Variants in MYO1D observed in about 807,000 individuals in gnomAD.
MYO1D encodes the protein myosin ID.
In MYO1D, 83 loss-of-function variants were observed where a neutral mutation model predicts 122.0. That is an observed-to-expected ratio of 0.68 (90% CI 0.57 to 0.82). The LOEUF (loss-of-function observed/expected upper bound fraction) is 0.82. MYO1D is among the 40% of genes least tolerant of loss of function. The pLI is 0.00. For missense variants in MYO1D, 1,157 were observed against 1,269.5 expected (o/e 0.91, Z 1.35); for synonymous variants, 464 against 446.9 (o/e 1.04, Z -0.48).
intron 16 of MYO1D, among the ~76,000 whole-genome samples, chr17:32,678,551 T>A (rs955916722): frequency 1.3e-5 from 2 of 151,340 alleles, no homozygotes; most frequent in Admixed American, 6.6e-5. Flanking sequence ...GAATGATGAT[T>A]TCCAATTTCA....
intron 21 of MYO1D, among the ~76,000 whole-genome samples, chr17:32,588,280 T>C (rs1262363173): frequency 2.0e-5 from 3 of 152,224 alleles, no homozygotes; most frequent in Admixed American, 1.3e-4. Context: ...CAAGCCCTAG[T>C]ATCTGGCACT....
chr17:32,772,261 AAAAT>A (rs1263964866), intron 5 of MYO1D, among the ~76,000 whole-genome samples: 9 of 152,240 alleles, frequency 5.9e-5, no homozygotes, highest in Admixed American at 1.3e-4. Context: ...AGCACTCTTG[AAAAT>A]AAATACTCAA....
At position 32,841,058 on chromosome 17, in the gene MYO1D, G is replaced by A. The variant is rs564228026; in HGVS notation, c.95+35720C>T. On this transcript the variant is annotated intron_variant, in intron 1 of 21. Coordinates refer to ENST00000318217, the MANE Select transcript of MYO1D (RefSeq NM_015194.3). The stretch of plus-strand genomic sequence containing the variant: ...TGACCAACTGTAGGCTAATGCAAAT[G>A]TTCTAAACATGTTCAAGGTAGGCTA... Among the ~76,000 whole-genome samples the A allele has an allele frequency of 2.0e-5, 3 of 152,306 alleles. No individual in the cohort carries two copies. The South Asian group carries it at 6.2e-4, about 32-fold the overall frequency.
chr17:32,735,613 T>C (rs2089692800), intron 14 of MYO1D, among the ~76,000 whole-genome samples: 1 of 152,214 alleles, frequency 6.6e-6, no homozygotes, highest in African/African-American at 2.4e-5. Flanking sequence ...CTGCTTCATC[T>C]ATCATTTATC....
intron 20 of MYO1D, among the ~76,000 whole-genome samples, chr17:32,623,936 C>A (rs2087887323): frequency 6.6e-6 from 1 of 152,162 alleles, no homozygotes. Context: ...CGAGTTCCAT[C>A]ACTTTGGGGG....
intron 21 of MYO1D, among the ~76,000 whole-genome samples, chr17:32,580,411 T>TC (rs200462894): frequency 0.19 from 12,236 of 63,894 alleles, 1,635 homozygotes; most frequent in African/African-American, 0.39. Flanking sequence ...CTGGTGAATT[T>TC]TTTTTTTTTT....
At chr17:32,760,696 A>G in intron 8 of MYO1D, 69 bp from the exon 9 acceptor site, 1 of 1,487,842 alleles carries the variant, frequency 6.7e-7, no homozygotes, top group Non-Finnish European at 9.1e-7. Context: ...ATTTGTGATC[A>G]GTTTTAAATT....
At chr17:32,681,702 T>C (rs1368025806) in intron 16 of MYO1D, among the ~76,000 whole-genome samples, 1 of 149,388 alleles carries the variant, frequency 6.7e-6, no homozygotes, top group Non-Finnish European at 1.5e-5. Context: ...AGGTGTGGTG[T>C]GGTGCTGAAA....
chr17:32,569,520 C>T (rs1266453947), intron 21 of MYO1D, among the ~76,000 whole-genome samples: 1 of 152,214 alleles, frequency 6.6e-6, no homozygotes, highest in Non-Finnish European at 1.5e-5. Flanking sequence ...CAATGGTGAA[C>T]ACCCAGGGGA....
chr17:32,799,214 G>C (rs2090441274), intron 1 of MYO1D, among the ~76,000 whole-genome samples: 2 of 152,134 alleles, frequency 1.3e-5, no homozygotes, highest in African/African-American at 4.8e-5. Context: ...AAATACATCA[G>C]GAAATGGAAA....
chr17:32,758,774 C>G (rs1396483994), intron 10 of MYO1D, among the ~76,000 whole-genome samples: 1 of 152,152 alleles, frequency 6.6e-6, no homozygotes, highest in Non-Finnish European at 1.5e-5. Flanking sequence ...AATAGAGATT[C>G]TAATTGTGGG....
At chr17:32,783,571 A>G (rs185444064) in intron 1 of MYO1D, among the ~76,000 whole-genome samples, 14 of 152,360 alleles carry the variant, frequency 9.2e-5, no homozygotes, top group Admixed American at 4.6e-4. Context: ...ATAGTGGCAA[A>G]TATTAACAGA....
At chr17:32,665,064 C>T (rs1393118243) in intron 16 of MYO1D, among the ~76,000 whole-genome samples, 1 of 152,192 alleles carries the variant, frequency 6.6e-6, no homozygotes, top group Non-Finnish European at 1.5e-5. Context: ...GTGCTAGTTG[C>T]TCCCTCTGCC....
chr17:32,599,526 G>A (rs1382953953), intron 21 of MYO1D, among the ~76,000 whole-genome samples: 3 of 152,126 alleles, frequency 2.0e-5, no homozygotes, highest in Non-Finnish European at 4.4e-5. Context: ...CTCCTCCCAT[G>A]AATCACAAAT....
At chr17:32,583,159 A>T (rs891726872) in intron 21 of MYO1D, among the ~76,000 whole-genome samples, 7 of 152,154 alleles carry the variant, frequency 4.6e-5, no homozygotes, top group African/African-American at 1.7e-4. Context: ...TTGGTATGAA[A>T]TTGTAGGTAG....
chr17:32,777,760 C>T lies in MYO1D; in HGVS notation c.398+720G>A, dbSNP rs190881902. Among the ~76,000 whole-genome samples, 250 of 151,682 alleles carry T rather than the reference C, an allele frequency of 1.6e-3. 1 individual carries two copies. The highest frequency in any genetic ancestry group is 5.8e-3 in the African/African-American group (239 of 41,322). On this transcript the variant is annotated intron_variant, in intron 3 of 21. Transcript: ENST00000318217. ...GGAGATCGAGACCACAGTGAAACCC[C>T]GTCTCTACTAAAAACACAAAAAAAT...
At chr17:32,622,658 G>C (rs1028113363) in intron 20 of MYO1D, among the ~76,000 whole-genome samples, 1 of 152,196 alleles carries the variant, frequency 6.6e-6, no homozygotes, top group Non-Finnish European at 1.5e-5. Context: ...AATGAAAACC[G>C]AGATCAAAGA....
intron 16 of MYO1D, among the ~76,000 whole-genome samples, chr17:32,681,636 T>G (rs1323545032): frequency 6.6e-6 from 1 of 152,156 alleles, no homozygotes; most frequent in African/African-American, 2.4e-5. Context: ...TAATTCCTGT[T>G]CTTTTACATT....
chr17:32,527,009 G>T (rs1177447182), intron 21 of MYO1D, among the ~76,000 whole-genome samples: 1 of 152,202 alleles, frequency 6.6e-6, no homozygotes, highest in African/African-American at 2.4e-5. Context: ...TAAGCAGATA[G>T]GAACTAACAC....
Sources: gnomAD v4.1 joint callset for allele counts (sites outside exome capture counted in the v4.1 genomes callset) on GRCh38, gnomAD v4.1.1 for gene constraint, MANE v1.5 for transcripts, NCBI Gene and HGNC (gene_info 2026-07-23, HGNC 2026-07-21) for gene names.